CNOT4: variants seen among roughly 807,000 people sequenced by gnomAD.
CNOT4 encodes CCR4-associated factor 4.
CNOT4 carries 8 observed loss-of-function variants against 73.8 expected under a neutral mutation model. That is an observed-to-expected ratio of 0.11 (90% CI 0.06 to 0.20). The LOEUF is 0.20. Ranked by LOEUF, CNOT4 falls within the 10% of genes least tolerant of loss-of-function variation. The probability of loss-of-function intolerance (pLI) is 1.00; values close to 1 mark genes in which losing one functional copy is unlikely to be tolerated. For synonymous variants in CNOT4, 293 were observed against 321.1 expected, an observed-to-expected ratio of 0.91 and a Z score of 0.94; for missense variants, 564 against 883.4, an observed-to-expected ratio of 0.64 and a Z score of 4.58.
chr7:135,389,230 T>C (rs1796278474), intron 10 of CNOT4, among the ~76,000 whole-genome samples: 1 of 149,212 alleles, frequency 6.7e-6, no homozygotes, highest in Non-Finnish European at 1.5e-5. Context: ...TAGATACTCC[T>C]AGTAAATGGT....
intron 7 of CNOT4, among the ~76,000 whole-genome samples, chr7:135,404,390 A>G (rs1045502333): frequency 6.6e-6 from 1 of 152,180 alleles, no homozygotes; most frequent in Non-Finnish European, 1.5e-5. Context: ...GTATCAGCAG[A>G]CCAGTGCCCT....
chr7:135,424,085 A>G (rs1798356849), intron 2 of CNOT4, among the ~76,000 whole-genome samples: 2 of 126,434 alleles, frequency 1.6e-5, no homozygotes, highest in African/African-American at 3.2e-5. Context: ...ACACACACAC[A>G]CACACATTTT....
At chr7:135,506,637 CAGG>C (rs571625492) in intron 1 of CNOT4, among the ~76,000 whole-genome samples, 45 of 152,192 alleles carry the variant, frequency 3.0e-4, no homozygotes, top group African/African-American at 8.4e-4. Context: ...ATCACGAGGT[CAGG>C]AGTTCAAGAC....
chr7:135,497,280 G>A (rs774825547), intron 1 of CNOT4, among the ~76,000 whole-genome samples: 3 of 152,042 alleles, frequency 2.0e-5, no homozygotes, highest in African/African-American at 7.2e-5. Flanking sequence ...ATGGTGGCAC[G>A]TGCCTGTAGT....
At chr7:135,426,323 C>G (rs544068990) in intron 2 of CNOT4, among the ~76,000 whole-genome samples, 115 of 152,296 alleles carry the variant, frequency 7.6e-4, no homozygotes, top group Middle Eastern at 6.8e-3. Flanking sequence ...AATACAAAGG[C>G]TGGGCACGGT....
intron 1 of CNOT4, among the ~76,000 whole-genome samples, chr7:135,455,176 A>G (rs1279386756): frequency 6.6e-6 from 1 of 151,874 alleles, no homozygotes; most frequent in African/African-American, 2.4e-5. Context: ...TGGGAGGCTG[A>G]GGTGGAAGGA....
intron 1 of CNOT4, among the ~76,000 whole-genome samples, chr7:135,478,517 ACTGGGGAGACCCTGT>A (rs1358661456): frequency 6.6e-6 from 1 of 152,100 alleles, no homozygotes; most frequent in Non-Finnish European, 1.5e-5. Context: ...GGCCTGGGCA[ACTGGGGAGACCCTGT>A]CTTTACAAAA....
chr7:135,418,484 C>T (rs566044240), intron 3 of CNOT4, among the ~76,000 whole-genome samples: 1 of 152,266 alleles, frequency 6.6e-6, no homozygotes, highest in East Asian at 1.9e-4. Context: ...CTTGGGAAAA[C>T]AGTCAAGTAT....
chr7:135,373,966 T>C (rs1403838110), intron 10 of CNOT4, among the ~76,000 whole-genome samples: 7 of 152,222 alleles, frequency 4.6e-5, no homozygotes, highest in African/African-American at 1.7e-4. Context: ...TATCAACCAC[T>C]GTTCTGTCTG....
chr7:135,462,429 T>TA (rs1449373877), intron 1 of CNOT4, among the ~76,000 whole-genome samples: 1 of 151,882 alleles, frequency 6.6e-6, no homozygotes, highest in African/African-American at 2.4e-5. Context: ...ATCTGCACTC[T>TA]AAGAGAAAAG....
At chr7:135,398,452 T>G (rs188568990) in intron 7 of CNOT4, among the ~76,000 whole-genome samples, 1 of 152,174 alleles carries the variant, frequency 6.6e-6, no homozygotes, top group Admixed American at 6.5e-5. Flanking sequence ...AATTTGAAAC[T>G]TATTGCACGC....
chr7:135,393,327 T>A (rs1351157460), intron 10 of CNOT4, among the ~76,000 whole-genome samples: 1 of 152,188 alleles, frequency 6.6e-6, no homozygotes, highest in Non-Finnish European at 1.5e-5. Context: ...AATGGGAAAG[T>A]ATCTTTCCTT....
chr7:135,505,376 AC>A (rs939446329), intron 1 of CNOT4, among the ~76,000 whole-genome samples: 2 of 152,056 alleles, frequency 1.3e-5, no homozygotes, highest in Admixed American at 1.3e-4. Flanking sequence ...ACATGGTGAA[AC>A]CCCATCTCTA....
chr7:135,441,992 A>G (rs1799508816), intron 1 of CNOT4, among the ~76,000 whole-genome samples: 1 of 152,202 alleles, frequency 6.6e-6, no homozygotes, highest in Middle Eastern at 3.2e-3. Flanking sequence ...AAAAGGTAGG[A>G]GGAGGGTAGT....
At chr7:135,461,727 G>A (rs948164505) in intron 1 of CNOT4, among the ~76,000 whole-genome samples, 4 of 152,090 alleles carry the variant, frequency 2.6e-5, no homozygotes, top group Non-Finnish European at 5.9e-5. Flanking sequence ...GGCTATTCAG[G>A]AGGCTAAGGT....
chr7:135,436,860 T>G (rs1221971853), intron 2 of CNOT4, among the ~76,000 whole-genome samples: 1 of 152,074 alleles, frequency 6.6e-6, no homozygotes, highest in Non-Finnish European at 1.5e-5. Flanking sequence ...CAGATTATTT[T>G]TTAAATTTTA....
At chr7:135,451,594 A>G (rs555631300) in intron 1 of CNOT4, among the ~76,000 whole-genome samples, 3 of 152,230 alleles carry the variant, frequency 2.0e-5, no homozygotes, top group South Asian at 4.2e-4. Context: ...CACCCAGCCA[A>G]CTGTTTTTAC....
Position 135,368,577 on chromosome 7 carries a change from A to G in CNOT4, c.1628-4511T>C, listed in dbSNP as rs559425455. Among the ~76,000 whole-genome samples, 5 of 152,360 alleles carry G rather than the reference A, an allele frequency of 3.3e-5. No homozygotes were observed. In the South Asian group the frequency reaches 1.0e-3, roughly 32 times the overall value. On this transcript the variant is annotated intron_variant, in intron 10 of 11. Coordinates refer to ENST00000541284, the MANE Select transcript of CNOT4 (RefSeq NM_001190850.2). ...TATGCTACATAAGTTCAGTAAAAAG[A>G]CAGGCCAGTTGGGACACGTACGGGA...
At chr7:135,425,051 G>T (rs766346480) in intron 2 of CNOT4, among the ~76,000 whole-genome samples, 3 of 152,164 alleles carry the variant, frequency 2.0e-5, no homozygotes, top group Non-Finnish European at 4.4e-5. Flanking sequence ...ATCACCAGTG[G>T]ACTCTGCAGA....
Sources: gnomAD v4.1 joint callset for allele counts (sites outside exome capture counted in the v4.1 genomes callset) on GRCh38, gnomAD v4.1.1 for gene constraint, MANE v1.5 for transcripts, NCBI Gene and HGNC (gene_info 2026-07-23, HGNC 2026-07-21) for gene names.